The following PBX1 variants were observed in gnomAD, a reference collection of about 807,000 sequenced individuals.
The protein encoded by PBX1 is PBX homeobox 1.
Under a neutral mutation model 53.4 loss-of-function variants are expected in PBX1, and 6 were observed. The ratio of observed to expected loss-of-function variants is 0.11; its 90% CI spans 0.06 to 0.22. PBX1 has a LOEUF of 0.22. Among genes scored for constraint, PBX1 ranks in the 10% least tolerant of loss-of-function variants. The pLI is 1.00. For missense variants in PBX1, 251 were observed against 551.4 expected (o/e 0.46, Z 5.46); for synonymous variants, 204 against 212.3 (o/e 0.96, Z 0.34).
intron 2 of PBX1, among the ~76,000 whole-genome samples, chr1:164,732,422 G>T (rs777626995): frequency 1.3e-5 from 2 of 152,096 alleles, no homozygotes; most frequent in African/African-American, 4.8e-5. Context: ...TATTAAAAAT[G>T]TTCCCCTTTC....
chr1:164,573,719 C>T (rs1654032944), intron 2 of PBX1, among the ~76,000 whole-genome samples: 1 of 152,106 alleles, frequency 6.6e-6, no homozygotes, highest in Non-Finnish European at 1.5e-5. Flanking sequence ...CTCCTGACCT[C>T]AGGTGATCCA....
intron 2 of PBX1, among the ~76,000 whole-genome samples, chr1:164,860,826 G>A (rs1385301291): frequency 1.3e-5 from 2 of 152,080 alleles, no homozygotes; most frequent in South Asian, 2.1e-4. Context: ...AAAGCACCTC[G>A]TGACACACTT....
intron 2 of PBX1, among the ~76,000 whole-genome samples, chr1:164,719,389 C>G (rs1370772947): frequency 6.6e-6 from 1 of 152,130 alleles, no homozygotes; most frequent in Non-Finnish European, 1.5e-5. Flanking sequence ...AAATATACAG[C>G]CAGAACCTGG....
chr1:164,770,451 C>A (rs527454021), intron 2 of PBX1: 1 of 152,218 alleles, frequency 6.6e-6, no homozygotes, highest in African/African-American at 2.4e-5. Context: ...CCCTTCTTGA[C>A]CATTGCAGGC....
intron 2 of PBX1, among the ~76,000 whole-genome samples, chr1:164,758,530 T>G (rs1343057324): frequency 6.6e-6 from 1 of 152,064 alleles, no homozygotes; most frequent in Non-Finnish European, 1.5e-5. Context: ...GGGTGGAAGG[T>G]GACTTCCGGG....
chr1:164,711,879 TA>T (rs1417815127), intron 2 of PBX1, among the ~76,000 whole-genome samples: 3 of 152,130 alleles, frequency 2.0e-5, no homozygotes, highest in Admixed American at 6.5e-5. Context: ...CGAGGGTCTT[TA>T]AGAAGCATGG....
intron 2 of PBX1, among the ~76,000 whole-genome samples, chr1:164,686,151 G>T (rs1453294689): frequency 2.0e-5 from 3 of 152,204 alleles, no homozygotes; most frequent in Admixed American, 2.0e-4. Context: ...GAGGGGATAT[G>T]TGTAAAGGCC....
At chr1:164,629,715 A>G (rs1227837313) in intron 2 of PBX1, among the ~76,000 whole-genome samples, 1 of 152,246 alleles carries the variant, frequency 6.6e-6, no homozygotes, top group African/African-American at 2.4e-5. Context: ...AAGCCACTGC[A>G]ACATTTCTGT....
chr1:164,623,881 A>C (rs1243585736), intron 2 of PBX1, among the ~76,000 whole-genome samples: 1 of 152,222 alleles, frequency 6.6e-6, no homozygotes, highest in Non-Finnish European at 1.5e-5. Flanking sequence ...CAATTTGGTA[A>C]TGGACTGTGA....
chr1:164,725,499 C>T (rs948957578), intron 2 of PBX1, among the ~76,000 whole-genome samples: 2 of 152,020 alleles, frequency 1.3e-5, no homozygotes, highest in African/African-American at 4.8e-5. Context: ...CTTCCCCTAA[C>T]TTGCTTCTGC....
chr1:164,735,727 G>A (rs1665231453), intron 2 of PBX1, among the ~76,000 whole-genome samples: 1 of 152,160 alleles, frequency 6.6e-6, no homozygotes, highest in Non-Finnish European at 1.5e-5. Flanking sequence ...CTGCAATCAG[G>A]ACAAGTTTTC....
chr1:164,604,446 T>A (rs965690525), intron 2 of PBX1, among the ~76,000 whole-genome samples: 5 of 152,200 alleles, frequency 3.3e-5, no homozygotes, highest in Non-Finnish European at 7.3e-5. Context: ...ATTTGTGCAT[T>A]CAGCAGTTAC....
At chr1:164,758,008 G>A (rs1396516248) in intron 2 of PBX1, among the ~76,000 whole-genome samples, 1 of 152,150 alleles carries the variant, frequency 6.6e-6, no homozygotes, top group Non-Finnish European at 1.5e-5. Context: ...TCCTACAGAT[G>A]GAACTGTGTG....
chr1:164,796,210 C>T (rs1374245687), intron 3 of PBX1, among the ~76,000 whole-genome samples: 3 of 152,080 alleles, frequency 2.0e-5, no homozygotes, highest in South Asian at 2.1e-4. Context: ...GAGGTTTCAC[C>T]GTGTTAGCCA....
At chr1:164,669,020 C>G (rs974892611) in intron 2 of PBX1, among the ~76,000 whole-genome samples, 1 of 152,104 alleles carries the variant, frequency 6.6e-6, no homozygotes, top group African/African-American at 2.4e-5. Flanking sequence ...CTGTGTTTAT[C>G]ATCTTGGAGC....
At chr1:164,635,072 AGT>A (rs1221225608) in intron 2 of PBX1, among the ~76,000 whole-genome samples, 1 of 109,078 alleles carries the variant, frequency 9.2e-6, no homozygotes, top group African/African-American at 3.6e-5. Flanking sequence ...AGAAGGTAGA[AGT>A]GTGTGTGGGG....
intron 2 of PBX1, among the ~76,000 whole-genome samples, chr1:164,570,671 T>G (rs2101709736): frequency 6.6e-6 from 1 of 152,346 alleles, no homozygotes; most frequent in Middle Eastern, 3.4e-3. Flanking sequence ...TAAACATATG[T>G]GTGCATGTGT....
At chr1:164,715,597 A>G (rs991313419) in intron 2 of PBX1, among the ~76,000 whole-genome samples, 1 of 152,222 alleles carries the variant, frequency 6.6e-6, no homozygotes, top group Admixed American at 6.5e-5. Context: ...AGTGCTTAGA[A>G]TAATACCTGG....
chr1:164,826,263 C>A (rs142430170), intron 8 of PBX1, among the ~76,000 whole-genome samples: 207 of 150,668 alleles, frequency 1.4e-3, no homozygotes, highest in African/African-American at 4.8e-3. Context: ...TTCTAGCCAA[C>A]CCCAGTGTTC....
Sources: gnomAD v4.1 joint callset for allele counts (sites outside exome capture counted in the v4.1 genomes callset) on GRCh38, gnomAD v4.1.1 for gene constraint, MANE v1.5 for transcripts, NCBI Gene and HGNC (gene_info 2026-07-23, HGNC 2026-07-21) for gene names.